The following USP34 variants were observed in gnomAD, a reference collection of about 807,000 sequenced individuals.
The protein encoded by USP34 is ubiquitin carboxyl-terminal hydrolase 34.
USP34 carries 70 observed loss-of-function variants against 460.3 expected under a neutral mutation model. The observed-to-expected ratio is 0.15, with a 90% CI of 0.13 to 0.19. The LOEUF (loss-of-function observed/expected upper bound fraction) is 0.19. Among genes scored for constraint, USP34 ranks in the 10% least tolerant of loss-of-function variants. The probability of loss-of-function intolerance (pLI) is 1.00; values close to 1 mark genes in which losing one functional copy is unlikely to be tolerated. For missense variants in USP34, 3,985 were observed against 4,236.2 expected, an observed-to-expected ratio of 0.94 and a Z score of 1.65; for synonymous variants, 1,647 against 1,405.3, an observed-to-expected ratio of 1.17 and a Z score of -3.85.
At chr2:61,457,613 A>G (rs896943986) in intron 1 of USP34, among the ~76,000 whole-genome samples, 1 of 152,228 alleles carries the variant, frequency 6.6e-6, no homozygotes, top group Non-Finnish European at 1.5e-5. Flanking sequence ...CTGTAATCCC[A>G]GCACTTTGGG....
At chr2:61,358,685 T>C (rs141126923) in intron 10 of USP34, among the ~76,000 whole-genome samples, 101 of 152,286 alleles carry the variant, frequency 6.6e-4, no homozygotes, top group African/African-American at 2.0e-3. Flanking sequence ...CTATCTCTAA[T>C]TGCAAATGAC....
intron 5 of USP34, among the ~76,000 whole-genome samples, chr2:61,393,382 G>T (rs543758113): frequency 6.8e-6 from 1 of 146,074 alleles, no homozygotes; most frequent in South Asian, 2.2e-4. Context: ...AGTGAGCCAA[G>T]ATCATGCCAC....
chr2:61,417,719 C>CTTTTTTTTTTTTTTTTTTTTTTT (rs201901250), intron 2 of USP34, among the ~76,000 whole-genome samples: 5 of 130,766 alleles, frequency 3.8e-5, no homozygotes, highest in Non-Finnish European at 7.9e-5. Flanking sequence ...ATACTAAAAT[C>CTTTTTTTTTTTTTTTTTTTTTTT]TTTTTTTTTT....
At chr2:61,367,049 A>G (rs1358687085) in intron 10 of USP34, among the ~76,000 whole-genome samples, 1 of 152,192 alleles carries the variant, frequency 6.6e-6, no homozygotes, top group Non-Finnish European at 1.5e-5. Flanking sequence ...CAGCAAAGGC[A>G]TATGAAGAGA....
chr2:61,205,553 C>T (rs1397344198), intron 72 of USP34, among the ~76,000 whole-genome samples: 1 of 152,060 alleles, frequency 6.6e-6, no homozygotes, highest in Non-Finnish European at 1.5e-5. Flanking sequence ...TAATGGGTGT[C>T]TTTTAAAAGC....
chr2:61,303,130 A>G (rs1306682486), intron 27 of USP34, among the ~76,000 whole-genome samples: 1 of 151,794 alleles, frequency 6.6e-6, no homozygotes, highest in Non-Finnish European at 1.5e-5. Flanking sequence ...GCAGTGGCTC[A>G]ATCTCAGCTC....
chr2:61,396,508 A>T (rs1456013934), intron 3 of USP34, among the ~76,000 whole-genome samples: 2 of 137,104 alleles, frequency 1.5e-5, no homozygotes, highest in Non-Finnish European at 3.1e-5. Flanking sequence ...TTTTTTTTTT[A>T]GACGGAGTCT....
At chr2:61,247,984 C>T (rs12990069) in intron 49 of USP34, among the ~76,000 whole-genome samples, 3 of 151,860 alleles carry the variant, frequency 2.0e-5, no homozygotes, top group Non-Finnish European at 2.9e-5. Context: ...GTCAGGAGTT[C>T]GAGACCAACC....
At chr2:61,309,552 T>G (rs745749657) in intron 27 of USP34, among the ~76,000 whole-genome samples, 3 of 152,140 alleles carry the variant, frequency 2.0e-5, no homozygotes, top group Non-Finnish European at 4.4e-5. Context: ...TACAAAAGAA[T>G]GGACGACGAA....
chr2:61,295,436 A>T, intron 30 of USP34, 146 bp from the exon 31 acceptor site: 1 of 842,956 alleles, frequency 1.2e-6, no homozygotes, highest in Non-Finnish European at 1.6e-6. Context: ...TAGGTATATA[A>T]CTGGCACAAA....
intron 43 of USP34, among the ~76,000 whole-genome samples, chr2:61,263,696 A>T (rs1427930982): frequency 6.6e-6 from 1 of 150,602 alleles, no homozygotes; most frequent in Non-Finnish European, 1.5e-5. Context: ...GTTGGCCAGC[A>T]TGGTCTTGAT....
At chr2:61,338,938 G>C (rs1691507803) in intron 18 of USP34, among the ~76,000 whole-genome samples, 1 of 152,074 alleles carries the variant, frequency 6.6e-6, no homozygotes, top group Non-Finnish European at 1.5e-5. Context: ...ACATCTAAAT[G>C]GAAGAACAAT....
rs940249873 is a variant in USP34 at position 61,331,791 on chromosome 2, A to T, written c.2835-420T>A. Reference sequence around the variant, plus strand: ...TATATTTTTGAACAAAATTTTTTTTAAAAAAATCAAAGAAATACCCAGCAC... The same window carrying T: ...TATATTTTTGAACAAAATTTTTTTTTAAAAAATCAAAGAAATACCCAGCAC... On this transcript the variant is annotated intron_variant, in intron 19 of 79. Transcript: ENST00000398571. 4.6e-5 allele frequency among the ~76,000 whole-genome samples: 5 copies of T among 108,378 alleles called. No individual in the cohort carries two copies. In the East Asian group the frequency reaches 1.2e-3, roughly 27 times the overall value. 71.1% of individuals were successfully genotyped at this position (108,378 alleles called of 152,430 possible). A position where few individuals can be genotyped will look rare whatever the true frequency, so the allele number is the denominator to read the frequency against.
intron 34 of USP34, among the ~76,000 whole-genome samples, chr2:61,285,286 C>T (rs868357436): frequency 3.3e-5 from 5 of 151,576 alleles, no homozygotes; most frequent in South Asian, 2.1e-4. Context: ...CCCAGAAATC[C>T]GACACTAGCT....
At chr2:61,282,609 C>T (rs1030192055) in intron 37 of USP34, among the ~76,000 whole-genome samples, 1 of 151,948 alleles carries the variant, frequency 6.6e-6, no homozygotes, top group Non-Finnish European at 1.5e-5. Context: ...GACAACACAG[C>T]GAGACCCCGT....
intron 3 of USP34, 101 bp from the exon 4 acceptor site, chr2:61,395,334 G>T (rs1247122755): frequency 2.6e-6 from 2 of 774,852 alleles, no homozygotes; most frequent in Admixed American, 6.0e-5. Flanking sequence ...CGAATAAACA[G>T]ATTATTTTGC....
chr2:61,262,733 T>C (rs1688929698), intron 43 of USP34, among the ~76,000 whole-genome samples: 1 of 152,182 alleles, frequency 6.6e-6, no homozygotes. Context: ...AGTAATTCTG[T>C]TTAAAGTTCT....
chr2:61,413,112 G>A (rs1375466587), intron 2 of USP34, among the ~76,000 whole-genome samples: 2 of 151,972 alleles, frequency 1.3e-5, no homozygotes, highest in Non-Finnish European at 2.9e-5. Flanking sequence ...GAGTATCAAG[G>A]AGGCCGGGCG....
intron 15 of USP34, among the ~76,000 whole-genome samples, chr2:61,345,606 C>G (rs1464740549): frequency 6.6e-6 from 1 of 152,198 alleles, no homozygotes; most frequent in Non-Finnish European, 1.5e-5. Flanking sequence ...AGGAAATCCT[C>G]ACAATAAAAC....
Sources: gnomAD v4.1 joint callset for allele counts (sites outside exome capture counted in the v4.1 genomes callset) on GRCh38, gnomAD v4.1.1 for gene constraint, MANE v1.5 for transcripts, NCBI Gene and HGNC (gene_info 2026-07-23, HGNC 2026-07-21) for gene names.